Variants in TTN observed in about 807,000 individuals in gnomAD.
The protein encoded by TTN is titin.
A neutral mutation model predicts 3,223.0 loss-of-function variants in TTN; 1,525 were observed. The ratio of observed to expected loss-of-function variants is 0.47; its 90% confidence interval spans 0.45 to 0.49. The LOEUF (loss-of-function observed/expected upper bound fraction) is 0.49, where lower values mean the gene tolerates loss of function less well. Ranked by LOEUF, TTN falls within the 20% of genes least tolerant of loss-of-function variation. TTN has a pLI of 0.00. For synonymous variants in TTN, 14,094 were observed against 15,161.0 expected (o/e 0.93, Z 5.17); for missense variants, 40,786 against 43,424.0 (o/e 0.94, Z 5.40).
rs748670245 is a variant in TTN at position 178,569,888 on chromosome 2, A to C, written c.76244T>G (p.Ile25415Arg). 8.1e-6 allele frequency: 13 copies of C among 1,613,410 alleles called. No individual in the cohort carries two copies. The highest frequency in any genetic ancestry group is 1.1e-5 in the Non-Finnish European group (13 of 1,179,610). Residue 25415 changes from isoleucine (I) to arginine (R), a missense_variant, in exon 326 of 363, where the codon ATA becomes AGA. By Grantham distance (97) the Ile-to-Arg change is moderately conservative. Coordinates refer to ENST00000589042, the MANE Select transcript of TTN (RefSeq NM_001267550.2). Reference protein sequence around the residue: ...KPGPPNNPKVIDITRSSVFLS... With the variant: ...KPGPPNNPKVRDITRSSVFLS... Reference sequence around the variant, plus strand: ...GAATACTGAAGATCTGGTTATGTCTATGACTTTGGGGTTGTTTGGGGGTCC... The same window carrying C: ...GAATACTGAAGATCTGGTTATGTCTCTGACTTTGGGGTTGTTTGGGGGTCC...
chr2:178,527,206 C>G lies in TTN; in HGVS notation c.107782G>C (p.Val35928Leu). The G allele has an allele frequency of 1.2e-6, 2 of 1,613,934 alleles. No homozygotes were observed. The stretch of plus-strand genomic sequence containing the variant: ...TTTCTTCCACCACAGGACCATGTTA[C>G]TTCTGGGGTAGGCTCACCCGTGAAA... ...CAFTGEPTPE[V>L]TWSCGGRKIH... Residue 35928 changes from valine to leucine, a missense_variant, in exon 363 of 363, where the codon GTA (valine) becomes CTA (leucine). Val to Leu is a conservative substitution (Grantham distance 32, BLOSUM62 1). Coordinates refer to ENST00000589042, the MANE Select transcript of TTN (RefSeq NM_001267550.2).
Position 178,689,891 on chromosome 2 carries a change from C to T in TTN, c.31768G>A (p.Glu10590Lys), listed in dbSNP as rs772245466. ...KEPAAPPKVPEVPKKPVPEEK... is the reference protein window; with the variant it reads ...KEPAAPPKVPKVPKKPVPEEK... ...TCAGGGACAGGTTTCTTTGGCACCT[C>T]TGGGACTTAAAGTTTTTGAAACACA... The change falls in exon 122 of 363, where the codon GAG becomes AAG. Residue 10590 changes from glutamate (E) to lysine (K), a missense_variant. Glu to Lys is a moderately conservative substitution (Grantham distance 56, BLOSUM62 1). Transcript: ENST00000589042. 4 of 1,612,910 alleles carry T rather than the reference C, an allele frequency of 2.5e-6. No homozygotes were observed. In the African/African-American group the frequency reaches 4.0e-5, roughly 16 times the overall value.
In TTN at chr2:178,664,363, C is replaced by A. The variant is rs145069582; in HGVS notation, c.36280+97G>T. 4.8e-4 allele frequency: 458 copies of A among 960,376 alleles called. 2 individuals are homozygous for A. The East Asian group carries it at 0.011, about 23-fold the overall frequency. 59.5% of individuals were successfully genotyped at this position (960,376 alleles called of 1,614,324 possible). ...TGCAAGAGTCAACACAGACATGATTCACATGTACACATCAAAATAATTTTC... is the reference window on the plus strand; with the variant it reads ...TGCAAGAGTCAACACAGACATGATTAACATGTACACATCAAAATAATTTTC... On this transcript the variant is annotated intron_variant, in intron 168 of 362. Transcript: ENST00000589042.
At position 178,598,527 on chromosome 2, in the gene TTN, T is replaced by G. The variant is rs1402903802; in HGVS notation, c.57090A>C (p.Glu19030Asp). 2.5e-6 allele frequency: 4 copies of G among 1,608,026 alleles called. No homozygotes were observed. In the South Asian group the frequency reaches 3.4e-5, roughly 14 times the overall value. The stretch of plus-strand genomic sequence containing the variant: ...CTACCTTTTCCCATTCTTCTTTTCC[T>G]TCTTCTTTATATTCAACGATGTATC... ...VTGYIVEYKE[E>D]GKEEWEKGKD... The change falls in exon 292 of 363, where the codon GAA becomes GAC. Residue 19030 changes from glutamate to aspartate, a missense_variant. Coordinates refer to ENST00000589042, the MANE Select transcript of TTN (RefSeq NM_001267550.2).
intron 79 of TTN, 100 bp from the exon 80 acceptor site, chr2:178,720,763 GA>G (rs1302586419): frequency 3.6e-6 from 5 of 1,379,104 alleles, no homozygotes; most frequent in African/African-American, 1.5e-5. Flanking sequence ...GTGATCATAT[GA>G]CAATACATGC....
Position 178,544,462 on chromosome 2 carries a change from T to C in TTN, c.95767A>G (p.Lys31923Glu). 6.2e-7 allele frequency: 1 copy of C among 1,612,300 alleles called. No homozygotes were observed. Among genetic ancestry groups the C allele is most frequent in the Non-Finnish European group, 8.5e-7 (1 of 1,178,428 alleles). The stretch of plus-strand genomic sequence containing the variant: ...GTCCATGCCAAACTAATGCTGTGTT[T>C]GGTGGTATCCACAACTCTTGGAGCA... ...PSAPRVVDTT[K>E]HSISLAWTKP... The change falls in exon 345 of 363, where the codon AAA becomes GAA. Residue 31923 changes from lysine (K) to glutamate (E), a missense_variant. Physicochemically the swap from Lys to Glu is moderately conservative, Grantham distance 56. Coordinates refer to ENST00000589042, the MANE Select transcript of TTN (RefSeq NM_001267550.2).
chr2:178,536,278 T>C lies in TTN; in HGVS notation c.100469A>G (p.Asp33490Gly), dbSNP rs748042336. 2.5e-6 allele frequency: 4 copies of C among 1,613,724 alleles called. No homozygotes were observed. In the East Asian group the frequency reaches 8.9e-5, roughly 36 times the overall value. The change falls in exon 357 of 363, where the codon GAT becomes GGT. Residue 33490 changes from aspartate (D) to glycine (G), a missense_variant. Asp to Gly is a moderately conservative substitution (Grantham distance 94). Transcript: ENST00000589042. ...EISEPITPKS[D>G]VPIQAPHFKE... is the part of the protein sequence containing the mutation. The stretch of plus-strand genomic sequence containing the variant: ...AAAGTGTGGTGCCTGAATTGGGACA[T>C]CAGATTTGGGAGTGATGGGTTCTGA...
intron 213 of TTN, 136 bp downstream of exon 213, chr2:178,649,112 C>G: frequency 1.5e-6 from 1 of 656,774 alleles, no homozygotes. Context: ...TCATTTTTTT[C>G]CCTTCATTAT....
chr2:178,577,444 A>G lies in TTN; in HGVS notation c.68891T>C (p.Ile22964Thr). The change falls in exon 324 of 363, where the codon ATT becomes ACT. Residue 22964 changes from isoleucine (I) to threonine (T), a missense_variant. Physicochemically the swap from Ile to Thr is moderately conservative, Grantham distance 89. Transcript: ENST00000589042. ...AAGAATGCTAATGGCATTCAAAACAATGGTATCCCCTGCTTTAATTGTTAG... is the reference window on the plus strand; with the variant it reads ...AAGAATGCTAATGGCATTCAAAACAGTGGTATCCCCTGCTTTAATTGTTAG... ...DGLTIKAGDT[I>T]VLNAISILGK... 1.2e-6 allele frequency: 2 copies of G among 1,608,038 alleles called. No homozygotes were observed. Among genetic ancestry groups the G allele is most frequent in the Non-Finnish European group, 1.7e-6 (2 of 1,176,322 alleles).
In TTN at chr2:178,537,593, TTC is replaced by T; in HGVS notation, c.99612_99613del (p.Lys33205IlefsTer41). On this transcript the variant is annotated frameshift_variant, in exon 355 of 363. Transcript: ENST00000589042. LOFTEE classifies it high-confidence loss of function. ...TGTGGAACCCACAGCTCCATAATAT[TTC>T]TCTTTCAGTGGGTAACCAGGATGGA... 6.2e-7 allele frequency: 1 copy of T among 1,613,694 alleles called. No individual in the cohort carries two copies. Among genetic ancestry groups the T allele is most frequent in the Non-Finnish European group, 8.5e-7 (1 of 1,179,696 alleles).
chr2:178,635,818 G>C, intron 226 of TTN, 103 bp from the exon 227 acceptor site: 1 of 1,510,468 alleles, frequency 6.6e-7, no homozygotes, highest in Admixed American at 2.3e-5. Context: ...ACAATACTGG[G>C]CATAATTAAT....
rs768948785 is a variant in TTN, at chr2:178,538,568, A to C, written c.99261T>G (p.Thr33087=). 8 of 1,613,194 alleles carry C rather than the reference A, an allele frequency of 5.0e-6. No individual in the cohort carries two copies. The East Asian group carries it at 1.8e-4, about 36-fold the overall frequency. Residue 33087 remains threonine (T), a synonymous_variant, in exon 354 of 363, where the codon ACT becomes ACG. Transcript: ENST00000589042. ...TGAGTTTAGTCTTTATAGACATAGC[A>C]GTTCTGCGAGGTCTGCTCAGCCCAG... ...NETGLSRPRR[T]AMSIKTKLTS...
In TTN at chr2:178,549,002, G is replaced by C. The variant is rs1248087390; in HGVS notation, c.92624C>G (p.Ala30875Gly). The change falls in exon 339 of 363, where the codon GCA (alanine) becomes GGA (glycine). Residue 30875 changes from alanine to glycine, a missense_variant. Ala to Gly is a moderately conservative substitution (Grantham distance 60). Coordinates refer to ENST00000589042, the MANE Select transcript of TTN (RefSeq NM_001267550.2). Reference protein sequence around the residue: ...LGDWHKVNAEACVKTRYTVTD... With the variant: ...LGDWHKVNAEGCVKTRYTVTD... ...GACTGTATATCTTGTTTTCACACAT[G>C]CCTCTGCATTCACCTTGTGCCAGTC... 3.2e-5 allele frequency: 52 copies of C among 1,613,766 alleles called. No individual in the cohort carries two copies. Among genetic ancestry groups the C allele is most frequent in the Non-Finnish European group, 4.3e-5 (51 of 1,179,852 alleles).
In TTN at chr2:178,590,618, G is replaced by A. The variant is rs2050003537; in HGVS notation, c.61107C>T (p.Ile20369=). Residue 20369 remains isoleucine, a synonymous_variant, in exon 304 of 363, where the codon ATC becomes ATT. Transcript: ENST00000589042. ...SSDPIKACRP[I]KPPGPPINPK... Reference sequence around the variant, plus strand: ...GATTAATAGGTGGTCCAGGTGGTTTGATGGGCCGGCAAGCTTTTATTGGAT... The same window carrying A: ...GATTAATAGGTGGTCCAGGTGGTTTAATGGGCCGGCAAGCTTTTATTGGAT... 1.9e-6 allele frequency: 3 copies of A among 1,612,982 alleles called. No individual in the cohort carries two copies. The African/African-American group carries it at 4.0e-5, about 22-fold the overall frequency.
At chr2:178,670,088 T>G in intron 157 of TTN, 130 bp downstream of exon 157, 7 of 573,648 alleles carry the variant, frequency 1.2e-5, no homozygotes. Flanking sequence ...AGGATTATGT[T>G]ATAGAACATA....
chr2:178,607,343 T>C, intron 277 of TTN, 29 bp from the exon 278 acceptor site: 1 of 1,611,860 alleles, frequency 6.2e-7, no homozygotes, highest in Non-Finnish European at 8.5e-7. Flanking sequence ...CAAAAATCAA[T>C]GTAATAAGAT....
chr2:178,587,715 C>T lies in TTN; in HGVS notation c.63594G>A (p.Val21198=), dbSNP rs1212789505. Residue 21198 remains valine (V), a synonymous_variant, in exon 306 of 363, where the codon GTG becomes GTA. Transcript: ENST00000589042. ...AGCPIRLFAI[V]RGRPAPKVTW... ...TGACTTTAGGGGCTGGTCGTCCTCT[C>T]ACTATAGCAAAGAGACGAATAGGGC... 2 of 1,612,878 alleles carry T rather than the reference C, an allele frequency of 1.2e-6. No homozygotes were observed. The highest frequency in any genetic ancestry group is 2.2e-5 in the South Asian group (2 of 91,020).
At position 178,740,669 on chromosome 2, in the gene TTN, G is replaced by GA; in HGVS notation, c.12563_12564insT (p.Met4189HisfsTer7). 6.2e-7 allele frequency: 1 copy of GA among 1,613,800 alleles called. No homozygotes were observed. The highest frequency in any genetic ancestry group is 8.5e-7 in the Non-Finnish European group (1 of 1,179,790). On this transcript the variant is annotated frameshift_variant, in exon 48 of 363. Coordinates refer to ENST00000589042, the MANE Select transcript of TTN (RefSeq NM_001267550.2). LOFTEE classifies it high-confidence loss of function. ...ATGAATTAATTTGTTCTATGGACAT[G>GA]GCACTTGGGAAGATTTTCTCGGTAT...
intron 46 of TTN, 146 bp from the exon 47 acceptor site, chr2:178,753,326 A>T: frequency 3.2e-6 from 2 of 615,752 alleles, no homozygotes; most frequent in Non-Finnish European, 5.7e-6. Flanking sequence ...GTCCATGCCA[A>T]ACAAACTATT....
Sources: gnomAD v4.1 joint callset for allele counts on GRCh38, gnomAD v4.1.1 for gene constraint, MANE v1.5 for transcripts, NCBI Gene and HGNC (gene_info 2026-07-23, HGNC 2026-07-21) for gene names.